The following KANSL3 variants were observed in gnomAD, a reference collection of about 807,000 sequenced individuals.
The protein encoded by KANSL3 is KAT8 regulatory NSL complex subunit 3.
In KANSL3, 16 loss-of-function variants were observed where a neutral mutation model predicts 89.2. The observed-to-expected ratio is 0.18, with a 90% CI of 0.12 to 0.27. KANSL3 has a LOEUF of 0.27. Ranked by LOEUF, KANSL3 falls within the 10% of genes least tolerant of loss-of-function variation. KANSL3 has a pLI of 1.00. For missense variants in KANSL3, 879 were observed against 1,110.6 expected, an observed-to-expected ratio of 0.79 and a Z score of 2.96; for synonymous variants, 385 against 419.7, an observed-to-expected ratio of 0.92 and a Z score of 1.01.
intron 3 of KANSL3, among the ~76,000 whole-genome samples, chr2:96,629,704 C>T (rs990899260): frequency 6.6e-6 from 1 of 152,210 alleles, no homozygotes; most frequent in Non-Finnish European, 1.5e-5. Context: ...GCTCCTCCCT[C>T]AACAGCTGCT....
At chr2:96,631,752 T>A (rs1449030234) in intron 2 of KANSL3, among the ~76,000 whole-genome samples, 1 of 151,976 alleles carries the variant, frequency 6.6e-6, no homozygotes, top group Non-Finnish European at 1.5e-5. Flanking sequence ...ATTTTTTTTT[T>A]AAGATAAATA....
At chr2:96,628,041 A>G (rs1025235258) in intron 3 of KANSL3, 1 of 1,290,444 alleles carries the variant, frequency 7.7e-7, no homozygotes, top group Middle Eastern at 2.1e-4. Flanking sequence ...AATCTGTGGC[A>G]ATGTGGCAAT....
intron 5 of KANSL3, among the ~76,000 whole-genome samples, 179 bp from the exon 6 acceptor site, chr2:96,613,798 C>T (rs2069443005): frequency 6.6e-6 from 1 of 152,008 alleles, no homozygotes; most frequent in Non-Finnish European, 1.5e-5. Context: ...TATGCTCCCA[C>T]CATGAAAAGT....
Position 96,613,634 on chromosome 2 carries a change from G to A in KANSL3, c.664-15C>T. Reference sequence around the variant, plus strand: ...AAGGTTGGGATCTACAAAGAAGAAAGAGCAAAGATGACTCCAGTGTAAAGC... The same window carrying A: ...AAGGTTGGGATCTACAAAGAAGAAAAAGCAAAGATGACTCCAGTGTAAAGC... On this transcript the variant is annotated splice_polypyrimidine_tract_variant and intron_variant, in intron 5 of 20. Coordinates refer to ENST00000431828, the MANE Select transcript of KANSL3 (RefSeq NM_001115016.3). The A allele has an allele frequency of 2.5e-6, 4 of 1,609,842 alleles. No individual in the cohort carries two copies. Among genetic ancestry groups the A allele is most frequent in the Non-Finnish European group, 3.4e-6 (4 of 1,177,506 alleles).
At chr2:96,605,229 A>G in intron 15 of KANSL3, 91 bp downstream of exon 15, 2 of 1,169,850 alleles carry the variant, frequency 1.7e-6, no homozygotes, top group South Asian at 3.1e-5. Flanking sequence ...AAATAAAGCA[A>G]AGGCTGACAT....
At chr2:96,623,141 G>A (rs2071616825) in intron 3 of KANSL3, among the ~76,000 whole-genome samples, 1 of 152,148 alleles carries the variant, frequency 6.6e-6, no homozygotes, top group Non-Finnish European at 1.5e-5. Context: ...CACAAATACT[G>A]GGGAATTAAA....
chr2:96,590,343 A>G (rs1028716729), downstream of KANSL3, among the ~76,000 whole-genome samples: 2 of 151,748 alleles, frequency 1.3e-5, no homozygotes, highest in Non-Finnish European at 2.9e-5. Flanking sequence ...GCTCAGATTG[A>G]GTACCATGGC....
At chr2:96,585,863 T>C in the KANSL3 span, among the ~76,000 whole-genome samples, 11 of 152,204 alleles carry the variant, frequency 7.2e-5, no homozygotes, top group Non-Finnish European at 1.3e-4. Flanking sequence ...AACTCAGGAA[T>C]GGAAATCCAA....
At chr2:96,625,680 C>T (rs1030836149) in intron 3 of KANSL3, among the ~76,000 whole-genome samples, 1 of 152,138 alleles carries the variant, frequency 6.6e-6, no homozygotes, top group Non-Finnish European at 1.5e-5. Context: ...AAAACCACAA[C>T]GTTGAGAGTC....
At chr2:96,588,597 CT>C (rs1235751861), downstream of KANSL3, among the ~76,000 whole-genome samples, 25 of 148,090 alleles carry the variant, frequency 1.7e-4, no homozygotes, top group Non-Finnish European at 2.0e-4. Context: ...CTTTTCTTTT[CT>C]TTTTTTTTTG....
At chr2:96,587,708 T>C in the KANSL3 span, among the ~76,000 whole-genome samples, 12 of 152,268 alleles carry the variant, frequency 7.9e-5, no homozygotes, top group South Asian at 1.7e-3. Flanking sequence ...AAGACACAGA[T>C]ATTAGAACTG....
Position 96,593,305 on chromosome 2 carries a change from G to A in KANSL3, c.*2306C>T. ...AGTAGACAGGTCTTCCTACCTCAGT[G>A]ACCTCAAAACACAAGGACATCTCCA... On this transcript the variant is annotated 3_prime_UTR_variant, in exon 21 of 21. Coordinates refer to ENST00000431828, the MANE Select transcript of KANSL3 (RefSeq NM_001115016.3). The A allele has an allele frequency of 6.6e-6, 3 of 456,014 alleles. No individual in the cohort carries two copies. The highest frequency in any genetic ancestry group is 1.3e-5 in the Non-Finnish European group (3 of 226,788). 28.2% of individuals were successfully genotyped at this position (456,014 alleles called of 1,614,324 possible). A position where few individuals can be genotyped will look rare whatever the true frequency, so the allele number is the denominator to read the frequency against.
intron 2 of KANSL3, 108 bp downstream of exon 2, chr2:96,636,813 A>G: frequency 1.1e-6 from 1 of 928,084 alleles, no homozygotes; most frequent in Non-Finnish European, 1.6e-6. Context: ...TTAACATCCA[A>G]ATGCCTCATA....
At chr2:96,604,558 C>G (rs1005587018) in intron 16 of KANSL3, among the ~76,000 whole-genome samples, 178 bp from the exon 17 acceptor site, 5 of 152,190 alleles carry the variant, frequency 3.3e-5, no homozygotes, top group African/African-American at 1.2e-4. Flanking sequence ...AAAGTCCTTA[C>G]TTACAGGACT....
chr2:96,627,628 A>C (rs2072599948), intron 3 of KANSL3, among the ~76,000 whole-genome samples: 1 of 152,234 alleles, frequency 6.6e-6, no homozygotes, highest in African/African-American at 2.4e-5. Flanking sequence ...AGCAATCAGT[A>C]AACTCTCCGG....
Position 96,625,257 on chromosome 2 carries a change from C to T in KANSL3, c.387-5495G>A, listed in dbSNP as rs1275592336. Among the ~76,000 whole-genome samples, 4 of 152,258 alleles carry T rather than the reference C, an allele frequency of 2.6e-5. No individual in the cohort carries two copies. The East Asian group carries it at 7.7e-4, about 29-fold the overall frequency. On this transcript the variant is annotated intron_variant, in intron 3 of 20. Coordinates refer to ENST00000431828, the MANE Select transcript of KANSL3 (RefSeq NM_001115016.3). The stretch of plus-strand genomic sequence containing the variant: ...AACAAAAATCTCTAGATTTCCAGTT[C>T]TTTGAAAGTAATAGGTATAAAGGAC...
At chr2:96,621,653 CA>C (rs1185511216) in intron 3 of KANSL3, among the ~76,000 whole-genome samples, 1 of 150,336 alleles carries the variant, frequency 6.7e-6, no homozygotes, top group Non-Finnish European at 1.5e-5. Flanking sequence ...AAATAAAAAA[CA>C]AAAAAAATTT....
At chr2:96,617,367 A>C in intron 5 of KANSL3, among the ~76,000 whole-genome samples, 1 of 152,176 alleles carries the variant, frequency 6.6e-6, no homozygotes, top group Non-Finnish European at 1.5e-5. Flanking sequence ...AATATCATTA[A>C]TGTATCTAGT....
intron 3 of KANSL3, among the ~76,000 whole-genome samples, chr2:96,625,530 A>G (rs1208085277): frequency 5.3e-5 from 8 of 152,170 alleles, no homozygotes; most frequent in African/African-American, 1.4e-4. Flanking sequence ...TGCTTTCCCT[A>G]TTTGTTTTTC....
Sources: allele counts gnomAD v4.1 joint callset (sites outside exome capture counted in the v4.1 genomes callset), GRCh38; gene constraint gnomAD v4.1.1; transcripts MANE v1.5; gene names NCBI Gene and HGNC (gene_info 2026-07-23, HGNC 2026-07-21).